The following STK3 variants were observed in gnomAD, a reference collection of about 807,000 sequenced individuals.
STK3 encodes serine/threonine-protein kinase 3.
A neutral mutation model predicts 58.0 loss-of-function variants in STK3; 41 were observed. The observed-to-expected ratio is 0.71, with a 90% CI of 0.55 to 0.92. The LOEUF (loss-of-function observed/expected upper bound fraction) is 0.92. Ranked by LOEUF, STK3 falls within the 40% of genes least tolerant of loss-of-function variation. STK3 has a pLI of 0.00. For synonymous variants in STK3, 170 were observed against 191.0 expected, an observed-to-expected ratio of 0.89 and a Z score of 0.91; for missense variants, 479 against 602.7, an observed-to-expected ratio of 0.79 and a Z score of 2.15.
chr8:98,407,269 A>G (rs766213828), intron 3 of STK3, among the ~76,000 whole-genome samples: 1 of 152,212 alleles, frequency 6.6e-6, no homozygotes, highest in Non-Finnish European at 1.5e-5. Context: ...AGAGGCGGCC[A>G]CAGTGGTGAC....
At chr8:98,920,184 A>G (rs1839502626) in intron 1 of STK3, among the ~76,000 whole-genome samples, 1 of 152,164 alleles carries the variant, frequency 6.6e-6, no homozygotes, top group East Asian at 1.9e-4. Context: ...GGACCCACAA[A>G]CCTAAACTGA....
chr8:98,529,755 G>A (rs1000384797), intron 9 of STK3, among the ~76,000 whole-genome samples: 5 of 152,140 alleles, frequency 3.3e-5, no homozygotes, highest in African/African-American at 1.2e-4. Context: ...TATGCTATGT[G>A]AAATAAGCTA....
intron 7 of STK3, among the ~76,000 whole-genome samples, chr8:98,586,487 G>A (rs1814608464): frequency 6.7e-6 from 1 of 149,472 alleles, no homozygotes; most frequent in African/African-American, 2.5e-5. Context: ...TGTGCTGCTG[G>A]ATTCGGTTTG....
chr8:98,355,071 G>T, the STK3 span, among the ~76,000 whole-genome samples: 1 of 152,166 alleles, frequency 6.6e-6, no homozygotes, highest in East Asian at 1.9e-4. Context: ...ATGAGCCACC[G>T]CAACCTGCCA....
downstream of STK3, chr8:98,883,496 G>A (rs920412990): frequency 2.6e-5 from 15 of 579,074 alleles, no homozygotes; most frequent in Non-Finnish European, 4.0e-5. Context: ...ACACTCTTCT[G>A]TATTACTGAA....
In STK3 at chr8:98,792,110, A is replaced by G. The variant is rs148662660; in HGVS notation, c.27-17291T>C. Among the ~76,000 whole-genome samples, 1,336 of 152,300 alleles carry G rather than the reference A, an allele frequency of 8.8e-3. 10 individuals carry two copies. Among genetic ancestry groups the G allele is most frequent in the African/African-American group, 0.03 (1,260 of 41,578 alleles). ...ATCTAAAACAAACACAAACAAATTAAGAAAAAACAAACAATCCCATCAAAA... is the reference window on the plus strand; with the variant it reads ...ATCTAAAACAAACACAAACAAATTAGGAAAAAACAAACAATCCCATCAAAA... On this transcript the variant is annotated intron_variant, in intron 1 of 10. Coordinates refer to ENST00000419617, the MANE Select transcript of STK3 (RefSeq NM_006281.4).
chr8:98,687,771 TA>T (rs1164295504), intron 6 of STK3, among the ~76,000 whole-genome samples: 17 of 152,136 alleles, frequency 1.1e-4, no homozygotes, highest in Admixed American at 8.5e-4. Flanking sequence ...AAGAGATGCT[TA>T]AGGGAGGTCT....
At chr8:98,422,494 C>T (rs12386830) in intron 3 of STK3, among the ~76,000 whole-genome samples, 11,181 of 152,198 alleles carry the variant, frequency 0.073, 626 homozygotes, top group African/African-American at 0.15. Flanking sequence ...CCCATTTCCA[C>T]CATCAACATC....
chr8:98,819,641 C>T (rs1834763327), intron 1 of STK3, among the ~76,000 whole-genome samples: 1 of 152,160 alleles, frequency 6.6e-6, no homozygotes, highest in Non-Finnish European at 1.5e-5. Context: ...GTCCACTTGC[C>T]TACCTCTAGA....
At chr8:98,870,441 T>C (rs1360351848) in intron 3 of STK3, among the ~76,000 whole-genome samples, 1 of 152,252 alleles carries the variant, frequency 6.6e-6, no homozygotes, top group Non-Finnish European at 1.5e-5. Flanking sequence ...ATGGTTGAAC[T>C]AGTTTACACT....
At chr8:98,816,089 G>A (rs767690320) in intron 1 of STK3, among the ~76,000 whole-genome samples, 12 of 152,290 alleles carry the variant, frequency 7.9e-5, no homozygotes, top group Admixed American at 2.0e-4. Context: ...AAAGGAACAT[G>A]TTGAACTGAC....
intron 10 of STK3, among the ~76,000 whole-genome samples, chr8:98,518,455 A>G (rs185271753): frequency 6.6e-6 from 1 of 152,286 alleles, no homozygotes; most frequent in Non-Finnish European, 1.5e-5. Context: ...AAAAAATTTT[A>G]AAAACCAGTG....
chr8:98,700,346 G>A (rs547001223), intron 6 of STK3, among the ~76,000 whole-genome samples: 17 of 152,280 alleles, frequency 1.1e-4, no homozygotes, highest in Admixed American at 4.6e-4. Context: ...GCCCTGCTTC[G>A]GCTCGCGCAC....
At chr8:98,671,573 G>GT (rs559574167) in intron 6 of STK3, among the ~76,000 whole-genome samples, 461 of 150,796 alleles carry the variant, frequency 3.1e-3, no homozygotes, top group African/African-American at 7.0e-3. Flanking sequence ...TTAGTTTGGG[G>GT]TTTTTTTTTG....
In STK3 at chr8:98,454,888, T is replaced by C. The variant is rs1385084509; in HGVS notation, c.*954A>G. The C allele has an allele frequency of 6.6e-6, 1 of 152,374 alleles. No homozygotes were observed. The highest frequency in any genetic ancestry group is 1.5e-5 in the Non-Finnish European group (1 of 67,986). The allele number at this position is 152,374 out of a possible 1,614,324, so 9.4% of individuals were successfully genotyped here. ...CTGGGTTATCATCAGGAACATGATG[T>C]TTACCAATTCCCAGGAAATGAATAA... On this transcript the variant is annotated 3_prime_UTR_variant, in exon 11 of 11. Transcript: ENST00000419617.
intron 3 of STK3, among the ~76,000 whole-genome samples, chr8:98,751,725 A>T (rs911008652): frequency 3.9e-5 from 6 of 152,174 alleles, no homozygotes; most frequent in African/African-American, 1.4e-4. Context: ...GGATCACTTG[A>T]GGTCAGGAGT....
chr8:98,436,077 G>T (rs149693082), intron 2 of STK3, among the ~76,000 whole-genome samples: 217 of 152,190 alleles, frequency 1.4e-3, no homozygotes, highest in Non-Finnish European at 2.0e-3. Flanking sequence ...AAATTCAGTG[G>T]CCTGTCCTCA....
chr8:98,600,078 CT>C (rs886869377), intron 6 of STK3, among the ~76,000 whole-genome samples: 1 of 152,160 alleles, frequency 6.6e-6, no homozygotes, highest in Non-Finnish European at 1.5e-5. Flanking sequence ...AAACTTTCTC[CT>C]ATAATAAAGT....
At chr8:98,542,596 C>T (rs1235569880) in intron 9 of STK3, among the ~76,000 whole-genome samples, 1 of 152,164 alleles carries the variant, frequency 6.6e-6, no homozygotes, top group African/African-American at 2.4e-5. Context: ...GATAGCTCAG[C>T]ATCTCTGGTC....
Sources: gnomAD v4.1 joint callset for allele counts (sites outside exome capture counted in the v4.1 genomes callset) on GRCh38, gnomAD v4.1.1 for gene constraint, MANE v1.5 for transcripts, NCBI Gene and HGNC (gene_info 2026-07-23, HGNC 2026-07-21) for gene names.